The following TENM2 variants were observed in gnomAD, a reference collection of about 807,000 sequenced individuals.
TENM2 encodes the protein teneurin-2.
In TENM2, 52 loss-of-function variants were observed where a neutral mutation model predicts 245.2. The observed-to-expected ratio is 0.21, with a 90% CI of 0.17 to 0.27. TENM2 has a LOEUF of 0.27. TENM2 is among the 10% of genes least tolerant of loss of function. The probability of loss-of-function intolerance (pLI) is 1.00; values close to 1 mark genes in which losing one functional copy is unlikely to be tolerated. For missense variants in TENM2, 3,046 were observed against 3,666.8 expected (o/e 0.83, Z 4.37); for synonymous variants, 1,363 against 1,438.9 (o/e 0.95, Z 1.19).
intron 2 of TENM2, among the ~76,000 whole-genome samples, chr5:167,422,847 T>G (rs1166510499): frequency 6.6e-6 from 1 of 152,122 alleles, no homozygotes; most frequent in Non-Finnish European, 1.5e-5. Context: ...AATGCCCTGC[T>G]CAGCAGGAAG....
intron 1 of TENM2, among the ~76,000 whole-genome samples, chr5:167,353,332 G>A: frequency 7.1e-6 from 1 of 141,482 alleles, no homozygotes; most frequent in Non-Finnish European, 1.5e-5. Context: ...CAGGGGGGTG[G>A]TGGGGGTGCA....
intron 13 of TENM2, among the ~76,000 whole-genome samples, chr5:168,181,694 T>TG (rs1759904626): frequency 1.0e-5 from 1 of 98,010 alleles, no homozygotes; most frequent in Admixed American, 1.2e-4. Flanking sequence ...TTTTTTTTTT[T>TG]GAGACAGAGT....
chr5:167,023,633 C>T, the TENM2 span, among the ~76,000 whole-genome samples: 2 of 152,324 alleles, frequency 1.3e-5, no homozygotes, highest in African/African-American at 4.8e-5. Flanking sequence ...AACAGCAGTA[C>T]AATCAGTCAA....
At chr5:167,825,874 A>AAG (rs1767930366) in intron 2 of TENM2, among the ~76,000 whole-genome samples, 1 of 151,916 alleles carries the variant, frequency 6.6e-6, no homozygotes, top group African/African-American at 2.4e-5. Flanking sequence ...TTAAAAAAAA[A>AAG]AAAAAACAAC....
At chr5:167,603,448 C>T (rs1172610464) in intron 2 of TENM2, among the ~76,000 whole-genome samples, 2 of 152,080 alleles carry the variant, frequency 1.3e-5, no homozygotes, top group African/African-American at 2.4e-5. Context: ...TTCGAAAGGC[C>T]GAGGTGGGTG....
At chr5:167,348,628 A>T (rs145768385) in intron 1 of TENM2, among the ~76,000 whole-genome samples, 307 of 152,324 alleles carry the variant, frequency 2.0e-3, no homozygotes, top group African/African-American at 6.9e-3. Flanking sequence ...GTATTCCGGT[A>T]GAGATTTATT....
At chr5:167,359,650 C>T (rs909113988) in intron 1 of TENM2, among the ~76,000 whole-genome samples, 6 of 152,074 alleles carry the variant, frequency 3.9e-5, no homozygotes, top group African/African-American at 1.2e-4. Context: ...CCAGTTCTTA[C>T]GTCCAGAATG....
chr5:167,947,138 A>G (rs1779690406), intron 3 of TENM2, among the ~76,000 whole-genome samples: 1 of 152,150 alleles, frequency 6.6e-6, no homozygotes. Context: ...ATGTTCATTG[A>G]ATATCCCCCT....
intron 25 of TENM2, among the ~76,000 whole-genome samples, chr5:168,234,670 C>T (rs989312099): frequency 2.0e-5 from 3 of 152,130 alleles, no homozygotes; most frequent in African/African-American, 7.2e-5. Context: ...AAATCAACCC[C>T]TTCTATTAAG....
At chr5:167,486,125 T>G (rs1435568556) in intron 2 of TENM2, among the ~76,000 whole-genome samples, 4 of 152,070 alleles carry the variant, frequency 2.6e-5, no homozygotes, top group Non-Finnish European at 5.9e-5. Context: ...AGAGAGCCTG[T>G]TCCAACGTAC....
the TENM2 span, among the ~76,000 whole-genome samples, chr5:167,066,300 G>A: frequency 6.6e-6 from 1 of 152,094 alleles, no homozygotes; most frequent in African/African-American, 2.4e-5. Context: ...CATACACAAA[G>A]GTCAGACTCT....
intron 2 of TENM2, among the ~76,000 whole-genome samples, chr5:167,662,030 T>C (rs996222479): frequency 6.6e-6 from 1 of 152,206 alleles, no homozygotes; most frequent in Non-Finnish European, 1.5e-5. Context: ...GGAAGATGTT[T>C]CTATCTATGG....
At chr5:167,853,273 G>C (rs1192908732) in intron 2 of TENM2, among the ~76,000 whole-genome samples, 2 of 52,276 alleles carry the variant, frequency 3.8e-5, no homozygotes, top group Non-Finnish European at 8.0e-5. Flanking sequence ...CTGGGAGACA[G>C]AGCGAGACTC....
At chr5:167,418,974 AGC>A (rs1162224728) in intron 2 of TENM2, among the ~76,000 whole-genome samples, 4 of 152,198 alleles carry the variant, frequency 2.6e-5, no homozygotes, top group African/African-American at 9.6e-5. Flanking sequence ...ATCTAATAAA[AGC>A]ATATTGAGAA....
At chr5:167,918,307 G>C (rs1360175873) in intron 3 of TENM2, among the ~76,000 whole-genome samples, 1 of 152,164 alleles carries the variant, frequency 6.6e-6, no homozygotes, top group Admixed American at 6.5e-5. Flanking sequence ...GGATGTGACT[G>C]GTTCCCTGGG....
Position 168,130,495 on chromosome 5 carries a change from C to T in TENM2, c.2422+3529C>T, listed in dbSNP as rs981617666. 7 of 152,268 alleles carry T rather than the reference C, an allele frequency of 4.6e-5. No individual in the cohort carries two copies. The South Asian group carries it at 6.2e-4, about 14-fold the overall frequency. 9.4% of individuals were successfully genotyped at this position (152,268 alleles called of 1,614,324 possible). On this transcript the variant is annotated intron_variant, in intron 12 of 28. Coordinates refer to ENST00000518659, the Ensembl canonical transcript of TENM2. ...GCGTGCAGTTTACTCTTATGACTAG[C>T]GCAGACGGCACATTGTGTGGCTAGA...
intron 2 of TENM2, among the ~76,000 whole-genome samples, chr5:167,565,258 G>A (rs1007153041): frequency 1.3e-5 from 2 of 152,160 alleles, no homozygotes; most frequent in Non-Finnish European, 2.9e-5. Context: ...ATGAGGTCAG[G>A]GATAGGTTTC....
intron 2 of TENM2, among the ~76,000 whole-genome samples, chr5:167,443,851 A>G (rs1416995323): frequency 1.3e-5 from 2 of 152,154 alleles, no homozygotes; most frequent in African/African-American, 2.4e-5. Context: ...TTAAAATTAA[A>G]AAAGACAGTT....
intron 2 of TENM2, among the ~76,000 whole-genome samples, chr5:167,464,590 A>G (rs143354485): frequency 1.3e-5 from 2 of 152,300 alleles, no homozygotes; most frequent in East Asian, 3.9e-4. Flanking sequence ...TATTACTTAT[A>G]GAAGTCTTTG....
Sources: allele counts gnomAD v4.1 joint callset (sites outside exome capture counted in the v4.1 genomes callset), GRCh38; gene constraint gnomAD v4.1.1; transcripts MANE v1.5; gene names NCBI Gene and HGNC (gene_info 2026-07-23, HGNC 2026-07-21).